Variants in COL4A6 observed in about 807,000 individuals in gnomAD.
COL4A6 encodes collagen alpha-6(IV) chain.
A neutral mutation model predicts 126.7 loss-of-function variants in COL4A6; 59 were observed. The ratio of observed to expected loss-of-function variants is 0.47; its 90% CI spans 0.38 to 0.58. COL4A6 has a LOEUF of 0.58. COL4A6 is among the 20% of genes least tolerant of loss of function. The pLI, the probability that COL4A6 is intolerant of heterozygous loss-of-function variation, is 0.00. For missense variants in COL4A6, 1,285 were observed against 1,337.3 expected (o/e 0.96, Z 0.61); for synonymous variants, 547 against 496.6 (o/e 1.10, Z -1.35).
At chrX:108,408,579 C>T (rs970461959) in intron 2 of COL4A6, among the ~76,000 whole-genome samples, 6 of 111,748 alleles carry the variant, frequency 5.4e-5, no homozygotes, top group African/African-American at 2.0e-4. Context: ...CAAAAGACTA[C>T]GACTGTCAAT....
chrX:108,261,285 G>A (rs939024391), intron 3 of COL4A6, among the ~76,000 whole-genome samples: 5 of 111,964 alleles, frequency 4.5e-5, no homozygotes, highest in African/African-American at 1.6e-4. Context: ...CACCATAAAT[G>A]TAGAATATTT....
At chrX:108,265,274 T>C (rs1375253698) in intron 3 of COL4A6, among the ~76,000 whole-genome samples, 5 of 110,980 alleles carry the variant, frequency 4.5e-5, no homozygotes, top group Non-Finnish European at 9.5e-5. Context: ...ATCTAAAGAA[T>C]CATAATTGGG....
intron 2 of COL4A6, among the ~76,000 whole-genome samples, chrX:108,410,771 C>A (rs1194387175): frequency 8.9e-6 from 1 of 111,905 alleles, no homozygotes; most frequent in Non-Finnish European, 1.9e-5. Flanking sequence ...CCTTCCCCAG[C>A]AAGACTCCAG....
chrX:108,391,132 C>T (rs1474014025), intron 2 of COL4A6, among the ~76,000 whole-genome samples: 2 of 111,299 alleles, frequency 1.8e-5, no homozygotes, highest in African/African-American at 6.5e-5. Context: ...TGTCTGTCTG[C>T]CCCTACTGGT....
rs202116729 is a variant in COL4A6 at position 108,351,766 on chromosome X, A to ATT, written c.64-40940_64-40939dup. On this transcript the variant is annotated intron_variant, in intron 2 of 44. Transcript: ENST00000334504. ...TATTTTCAGCTGGGGATAAATAGTGATTTTATGTGAAAAGAAAAAACATCG... is the reference window on the plus strand; with the variant it reads ...TATTTTCAGCTGGGGATAAATAGTGATTTTTTATGTGAAAAGAAAAAACATCG... Among the ~76,000 whole-genome samples the ATT allele has an allele frequency of 4.5e-5, 5 of 111,311 alleles. No homozygotes were observed. The East Asian group carries it at 1.1e-3, about 25-fold the overall frequency.
intron 3 of COL4A6, among the ~76,000 whole-genome samples, chrX:108,222,504 C>T (rs2036045910): frequency 8.9e-6 from 1 of 111,994 alleles, no homozygotes; most frequent in African/African-American, 3.2e-5. Context: ...GGACAGATGC[C>T]TTATGCTGTG....
rs762620859 is a variant in COL4A6 at position 108,190,459 on chromosome X, C to A, written c.1359G>T (p.Glu453Asp). 2.7e-5 allele frequency: 32 copies of A among 1,203,092 alleles called. No homozygotes were observed. Among genetic ancestry groups the A allele is most frequent in the South Asian group, 2.3e-4 (13 of 55,969 alleles). Residue 453 changes from glutamate (E) to aspartate (D), a missense_variant, in exon 20 of 45, where the codon GAG becomes GAT. Glu to Asp is a conservative substitution (Grantham distance 45, BLOSUM62 2). Transcript: ENST00000334504. Reference sequence around the variant, plus strand: ...CTCCTCGGAGACCAGGGAACCCTGACTCTTTGTTGTGTAGAGTTTCAGTCT... The same window carrying A: ...CTCCTCGGAGACCAGGGAACCCTGAATCTTTGTTGTGTAGAGTTTCAGTCT... ...EFETETLHNKESGFPGLRGEQ... is the reference protein window; with the variant it reads ...EFETETLHNKDSGFPGLRGEQ...
At chrX:108,273,927 T>TTA (rs1176760740) in intron 3 of COL4A6, among the ~76,000 whole-genome samples, 1 of 112,299 alleles carries the variant, frequency 8.9e-6, no homozygotes, top group Non-Finnish European at 1.9e-5. Flanking sequence ...TAGAGTATGT[T>TTA]TATATATAAT....
At chrX:108,294,414 G>GGT (rs1442691524) in intron 3 of COL4A6, among the ~76,000 whole-genome samples, 24 of 57,774 alleles carry the variant, frequency 4.2e-4, no homozygotes, top group Non-Finnish European at 7.2e-4. Context: ...TTTTTTTTTT[G>GGT]GTGTGTGTGT....
intron 2 of COL4A6, among the ~76,000 whole-genome samples, chrX:108,399,138 T>A (rs189489799): frequency 4.5e-5 from 5 of 111,573 alleles, no homozygotes. Flanking sequence ...TGCTGACTAC[T>A]GCTGGGTACA....
chrX:108,369,255 T>G (rs1396848751), intron 2 of COL4A6, among the ~76,000 whole-genome samples: 2 of 111,779 alleles, frequency 1.8e-5, no homozygotes, highest in African/African-American at 6.5e-5. Flanking sequence ...ACTACCATCG[T>G]ACATGTGGTT....
At chrX:108,244,243 G>A (rs563830269) in intron 3 of COL4A6, among the ~76,000 whole-genome samples, 3 of 110,810 alleles carry the variant, frequency 2.7e-5, no homozygotes, top group African/African-American at 9.8e-5. Context: ...CATTCTCAGA[G>A]CTGGAGTTCT....
intron 2 of COL4A6, among the ~76,000 whole-genome samples, chrX:108,337,231 G>A (rs1392731312): frequency 1.8e-5 from 2 of 111,326 alleles, no homozygotes; most frequent in Non-Finnish European, 3.8e-5. Context: ...TATATTCTGA[G>A]GGGGTTCCTG....
intron 10 of COL4A6, 39 bp downstream of exon 10, chrX:108,205,621 G>A: frequency 8.4e-7 from 1 of 1,191,551 alleles, no homozygotes; most frequent in South Asian, 1.8e-5. Flanking sequence ...GAGTACTTAG[G>A]AGTAGGAAGC....
chrX:108,331,624 A>G (rs1368630409), intron 2 of COL4A6, among the ~76,000 whole-genome samples: 1 of 112,123 alleles, frequency 8.9e-6, no homozygotes, highest in Non-Finnish European at 1.9e-5. Flanking sequence ...TTAAGGAATT[A>G]GCCCACTCAG....
At position 108,409,626 on chromosome X, in the gene COL4A6, C is replaced by T. The variant is rs145592665; in HGVS notation, c.63+28316G>A. Among the ~76,000 whole-genome samples, 547 of 111,673 alleles carry T rather than the reference C, an allele frequency of 4.9e-3. 5 individuals are homozygous for T. The highest frequency in any genetic ancestry group is 0.028 in the Middle Eastern group (6 of 216). ...CTAACATTACCTGCTGTGCTCCTAA[C>T]AACTATGGCCAAGAGCAACCACCCT... On this transcript the variant is annotated intron_variant, in intron 2 of 44. Transcript: ENST00000334504.
At chrX:108,186,031 A>T (rs1017055488) in intron 23 of COL4A6, among the ~76,000 whole-genome samples, 2 of 112,087 alleles carry the variant, frequency 1.8e-5, no homozygotes, top group Non-Finnish European at 3.8e-5. Context: ...GTTTCAATTA[A>T]GAGCATGATA....
intron 2 of COL4A6, among the ~76,000 whole-genome samples, chrX:108,432,414 T>C: frequency 8.9e-6 from 1 of 112,926 alleles, no homozygotes; most frequent in Non-Finnish European, 1.9e-5. Flanking sequence ...AAATAATTTT[T>C]AAAATTACTT....
intron 25 of COL4A6, 51 bp from the exon 26 acceptor site, chrX:108,179,489 T>G: frequency 1.0e-6 from 1 of 982,224 alleles, no homozygotes; most frequent in Non-Finnish European, 1.4e-6. Flanking sequence ...AGAAGCAATT[T>G]GTCTGAGTAC....
Sources: gnomAD v4.1 joint callset for allele counts (sites outside exome capture counted in the v4.1 genomes callset) on GRCh38, gnomAD v4.1.1 for gene constraint, MANE v1.5 for transcripts, NCBI Gene and HGNC (gene_info 2026-07-23, HGNC 2026-07-21) for gene names.